COL5A3: variants seen among roughly 807,000 people sequenced by gnomAD.
COL5A3 encodes collagen type V alpha 3 chain.
Under a neutral mutation model 250.0 loss-of-function variants are expected in COL5A3, and 172 were observed. That is an observed-to-expected ratio of 0.69 (90% CI 0.61 to 0.78). The LOEUF (loss-of-function observed/expected upper bound fraction) is 0.78. Among genes scored for constraint, COL5A3 ranks in the 30% least tolerant of loss-of-function variants. The probability of loss-of-function intolerance (pLI) is 0.00; values close to 1 mark genes in which losing one functional copy is unlikely to be tolerated. For synonymous variants in COL5A3, 937 were observed against 900.4 expected, an observed-to-expected ratio of 1.04 and a Z score of -0.73; for missense variants, 2,340 against 2,334.4, an observed-to-expected ratio of 1.00 and a Z score of -0.05.
intron 41 of COL5A3, among the ~76,000 whole-genome samples, chr19:9,978,019 C>G (rs1305280361): frequency 2.0e-5 from 3 of 148,188 alleles, no homozygotes. Flanking sequence ...GTTGCCCAGG[C>G]TGGTCTCAAA....
intron 31 of COL5A3, among the ~76,000 whole-genome samples, 200 bp from the exon 32 acceptor site, chr19:9,982,318 C>T (rs1166130590): frequency 3.3e-5 from 5 of 152,116 alleles, no homozygotes; most frequent in Non-Finnish European, 7.4e-5. Context: ...CACTGCAGCC[C>T]TTTGCACTGG....
At chr19:9,963,253 C>A (rs1410602532) in intron 64 of COL5A3, among the ~76,000 whole-genome samples, 1 of 152,012 alleles carries the variant, frequency 6.6e-6, no homozygotes, top group East Asian at 1.9e-4. Context: ...GACAGGATCT[C>A]ACTCTGTCAC....
chr19:9,971,021 T>A lies in COL5A3; in HGVS notation c.3836A>T (p.Asp1279Val). The A allele has an allele frequency of 6.5e-7, 1 of 1,538,776 alleles. No homozygotes were observed. The change falls in exon 53 of 67, where the codon GAT becomes GTT. Residue 1279 changes from aspartate (D) to valine (V), a missense_variant. Transcript: ENST00000264828. ...PPGDPGVSGI[D>V]GSPGEKGDPG... ...GTCTCCCTTCTCCCCTGGGGAACCA[T>A]CTATGCCCTGCATGGGGGGAAGACA...
chr19:9,995,961 GGGTATCCCCA>G (rs1377071952), intron 15 of COL5A3, 95 bp downstream of exon 15: 1 of 1,140,716 alleles, frequency 8.8e-7, no homozygotes, highest in African/African-American at 1.6e-5. Context: ...TCAATTGCAA[GGGTATCCCCA>G]GCCCCTTTGG....
chr19:9,980,359 C>T (rs963480067), intron 35 of COL5A3, among the ~76,000 whole-genome samples: 2 of 151,730 alleles, frequency 1.3e-5, no homozygotes, highest in Non-Finnish European at 2.9e-5. Context: ...ACAGGCTGTG[C>T]TCCTTCTTTT....
intron 54 of COL5A3, among the ~76,000 whole-genome samples, 166 bp from the exon 55 acceptor site, chr19:9,970,088 G>GGTGAGTGGGGT (rs2086809496): frequency 2.0e-5 from 1 of 49,198 alleles, no homozygotes; most frequent in Non-Finnish European, 3.8e-5. Flanking sequence ...GTGAGTGGGG[G>GGTGAGTGGGGT]CTGTGGCTGA....
chr19:10,006,466 C>G (rs868399109), intron 1 of COL5A3, among the ~76,000 whole-genome samples: 1 of 151,304 alleles, frequency 6.6e-6, no homozygotes, highest in African/African-American at 2.4e-5. Flanking sequence ...TTTTTTTTTC[C>G]CCTTGGTTTT....
rs2277962 is a variant in COL5A3, at chr19:10,003,995, C to A, written c.699+46G>T. ...TCTAGGGATCTGGAGCCAGGAAGGA[C>A]CCAGCCTGTGTCCTGAGATTAGGAG... On this transcript the variant is annotated intron_variant, in intron 5 of 66. Transcript: ENST00000264828. 0.015 allele frequency: 21,713 copies of A among 1,469,826 alleles called. 2,022 individuals carry two copies. In the East Asian group the frequency reaches 0.27, roughly 18 times the overall value. 91.0% of individuals were successfully genotyped at this position (1,469,826 alleles called of 1,614,324 possible).
chr19:9,977,543 C>A, intron 42 of COL5A3, 51 bp downstream of exon 42: 1 of 1,517,604 alleles, frequency 6.6e-7, no homozygotes, highest in Non-Finnish European at 8.9e-7. Flanking sequence ...TGGGATGTGG[C>A]AGGGCCAGAC....
At chr19:9,964,975 G>C (rs2086720144) in intron 64 of COL5A3, among the ~76,000 whole-genome samples, 1 of 150,514 alleles carries the variant, frequency 6.6e-6, no homozygotes, top group Non-Finnish European at 1.5e-5. Flanking sequence ...CTTGAACCTG[G>C]GAGGCAGAGG....
Position 9,993,684 on chromosome 19 carries a change from CACCAGTGAGCCTTG to C in COL5A3, c.1642-26_1642-13del. Reference sequence around the variant, plus strand: ...AAGCCACGATCACCCTGTCCAGAGACACCAGTGAGCCTTGACCCCATAAGCCTGACAGCTCCCAC... The same window carrying C: ...AAGCCACGATCACCCTGTCCAGAGACACCCCATAAGCCTGACAGCTCCCAC... On this transcript the variant is annotated splice_polypyrimidine_tract_variant and intron_variant, in intron 17 of 66. Transcript: ENST00000264828. 1 of 1,614,128 alleles carries C rather than the reference CACCAGTGAGCCTTG, an allele frequency of 6.2e-7. No individual in the cohort carries two copies. The highest frequency in any genetic ancestry group is 8.5e-7 in the Non-Finnish European group (1 of 1,180,038).
intron 31 of COL5A3, among the ~76,000 whole-genome samples, chr19:9,984,328 T>C (rs558482558): frequency 3.4e-4 from 51 of 152,186 alleles, no homozygotes; most frequent in African/African-American, 1.2e-3. Context: ...CAGCCCCAAA[T>C]GTCTTTAGGT....
chr19:9,991,087 G>A (rs2087182229), intron 24 of COL5A3, among the ~76,000 whole-genome samples: 1 of 152,056 alleles, frequency 6.6e-6, no homozygotes, highest in Admixed American at 6.6e-5. Context: ...GAAAAGAAAA[G>A]AAAAATTAGC....
chr19:9,977,156 G>T (rs913454553), intron 44 of COL5A3, 73 bp downstream of exon 44: 332 of 1,438,576 alleles, frequency 2.3e-4, no homozygotes, highest in Non-Finnish European at 3.1e-4. Flanking sequence ...CATGGAGAAT[G>T]ATCTCTACAT....
chr19:10,000,225 C>T (rs2087339229), intron 8 of COL5A3, among the ~76,000 whole-genome samples: 1 of 152,112 alleles, frequency 6.6e-6, no homozygotes, highest in Non-Finnish European at 1.5e-5. Context: ...CAATTCTCGT[C>T]TCTCTTGTTT....
In COL5A3 at chr19:10,010,350, G is replaced by A; in HGVS notation, c.36C>T (p.Ala12=). Residue 12 remains alanine (A), a synonymous_variant, in exon 1 of 67, where the codon GCC becomes GCT. Coordinates refer to ENST00000264828, the MANE Select transcript of COL5A3 (RefSeq NM_015719.4). ...GCGCGGCCAGGAGCAGGCAGAGACC[G>A]GCCCGCGGCTGGCCCAGGTCCCGGC... ...GNRRDLGQPR[A]GLCLLLAALQ... is the part of the protein sequence containing the mutation. The A allele has an allele frequency of 1.4e-6, 2 of 1,467,508 alleles. No individual in the cohort carries two copies. The highest frequency in any genetic ancestry group is 1.8e-6 in the Non-Finnish European group (2 of 1,105,814). The allele number at this position is 1,467,508 out of a possible 1,614,324, so 90.9% of individuals were successfully genotyped here.
At chr19:9,980,443 C>T (rs1393053646) in intron 35 of COL5A3, among the ~76,000 whole-genome samples, 1 of 152,118 alleles carries the variant, frequency 6.6e-6, no homozygotes, top group African/African-American at 2.4e-5. Flanking sequence ...CTCACTTCAG[C>T]TTCCAACTCC....
chr19:9,965,868 C>G (rs2086737749), intron 64 of COL5A3, among the ~76,000 whole-genome samples: 1 of 152,132 alleles, frequency 6.6e-6, no homozygotes, highest in African/African-American at 2.4e-5. Flanking sequence ...GAGACTTGCT[C>G]TGTCTCCCAG....
In COL5A3 at chr19:9,997,837, C is replaced by T. The variant is rs556214905; in HGVS notation, c.1200+147G>A. The T allele has an allele frequency of 4.3e-5, 32 of 752,290 alleles. No individual in the cohort carries two copies. The South Asian group carries it at 5.3e-4, about 12-fold the overall frequency. The allele number at this position is 752,290 out of a possible 1,614,324, so 46.6% of individuals were successfully genotyped here. A position where few individuals can be genotyped will look rare whatever the true frequency, so the allele number is the denominator to read the frequency against. ...CCAGTCTCTATATTGTTCATCCTCC[C>T]TATTTTGACTCACCCTTTAAGCCTC... On this transcript the variant is annotated intron_variant, in intron 10 of 66. Transcript: ENST00000264828.
Sources: gnomAD v4.1 joint callset for allele counts (sites outside exome capture counted in the v4.1 genomes callset) on GRCh38, gnomAD v4.1.1 for gene constraint, MANE v1.5 for transcripts, NCBI Gene and HGNC (gene_info 2026-07-23, HGNC 2026-07-21) for gene names.